PTPRK: variants seen among roughly 807,000 people sequenced by gnomAD.
PTPRK encodes protein tyrosine phosphatase receptor type K.
In PTPRK, 75 loss-of-function variants were observed where a neutral mutation model predicts 178.0. The ratio of observed to expected loss-of-function variants is 0.42; its 90% CI spans 0.35 to 0.51. The LOEUF is 0.51. Ranked by LOEUF, PTPRK falls within the 20% of genes least tolerant of loss-of-function variation. The probability of loss-of-function intolerance (pLI) is 0.02; values close to 1 mark genes in which losing one functional copy is unlikely to be tolerated. For missense variants in PTPRK, 1,441 were observed against 1,797.8 expected (o/e 0.80, Z 3.59); for synonymous variants, 637 against 620.6 (o/e 1.03, Z -0.39).
intron 14 of PTPRK, chr6:128,006,011 C>A: frequency 6.5e-7 from 1 of 1,540,142 alleles, no homozygotes. Flanking sequence ...TGTACATCAC[C>A]CATTTTCTAC....
chr6:128,127,146 T>C (rs943515049), intron 7 of PTPRK, among the ~76,000 whole-genome samples: 1 of 152,214 alleles, frequency 6.6e-6, no homozygotes, highest in Admixed American at 6.5e-5. Flanking sequence ...TTGATCTATA[T>C]GTCTAGTATT....
intron 5 of PTPRK, among the ~76,000 whole-genome samples, chr6:128,237,791 A>G (rs1174651503): frequency 1.3e-5 from 2 of 152,176 alleles, no homozygotes; most frequent in Non-Finnish European, 2.9e-5. Flanking sequence ...GTTAGCTGGT[A>G]GATTCACTTT....
intron 7 of PTPRK, among the ~76,000 whole-genome samples, chr6:128,125,708 C>G (rs551016635): frequency 1.1e-4 from 15 of 142,130 alleles, no homozygotes; most frequent in African/African-American, 4.0e-4. Context: ...CTCCCAGGTT[C>G]AAGCAATTCT....
chr6:128,493,289 G>C (rs560279551), intron 1 of PTPRK, among the ~76,000 whole-genome samples: 1 of 152,084 alleles, frequency 6.6e-6, no homozygotes, highest in Non-Finnish European at 1.5e-5. Flanking sequence ...CTGGCTGGGC[G>C]CGGTGGCTCA....
intron 6 of PTPRK, among the ~76,000 whole-genome samples, chr6:128,197,433 T>C (rs912519875): frequency 3.9e-5 from 6 of 152,100 alleles, no homozygotes; most frequent in African/African-American, 1.4e-4. Context: ...GTATACTAGA[T>C]GTATCATTAC....
intron 7 of PTPRK, among the ~76,000 whole-genome samples, chr6:128,127,127 T>C (rs1336367773): frequency 6.6e-6 from 1 of 152,214 alleles, no homozygotes. Context: ...GGTTTTCTGA[T>C]ATATTTCATT....
chr6:128,412,671 C>A (rs951827228), intron 1 of PTPRK, among the ~76,000 whole-genome samples: 1 of 152,206 alleles, frequency 6.6e-6, no homozygotes, highest in African/African-American at 2.4e-5. Flanking sequence ...AAAGAAGATA[C>A]ATTTTTGTAC....
chr6:128,331,596 C>A (rs1387810966), intron 2 of PTPRK, among the ~76,000 whole-genome samples: 1 of 152,090 alleles, frequency 6.6e-6, no homozygotes, highest in Non-Finnish European at 1.5e-5. Context: ...ACTTTTTGTA[C>A]AGTCTAGTTT....
intron 3 of PTPRK, among the ~76,000 whole-genome samples, chr6:128,320,746 G>A (rs1279620932): frequency 2.6e-5 from 4 of 152,010 alleles, no homozygotes; most frequent in Non-Finnish European, 5.9e-5. Flanking sequence ...TGTCAGAGTT[G>A]AGCCCACTGA....
At chr6:127,975,097 A>G (rs1183273616) in intron 27 of PTPRK, among the ~76,000 whole-genome samples, 27 of 152,190 alleles carry the variant, frequency 1.8e-4, no homozygotes, top group Admixed American at 1.8e-3. Context: ...CAGAAAAAAA[A>G]TCATGTACTA....
intron 5 of PTPRK, among the ~76,000 whole-genome samples, chr6:128,226,282 T>A (rs1451671093): frequency 6.6e-6 from 1 of 152,250 alleles, no homozygotes; most frequent in East Asian, 1.9e-4. Flanking sequence ...GCAAAGGTAT[T>A]CATAGCAAAT....
At chr6:127,985,991 G>T in intron 21 of PTPRK, 116 bp from the exon 22 acceptor site, 2 of 962,866 alleles carry the variant, frequency 2.1e-6, no homozygotes, top group East Asian at 2.7e-5. Flanking sequence ...AAACCTTTAC[G>T]AAAGACTATG....
intron 2 of PTPRK, among the ~76,000 whole-genome samples, chr6:128,378,889 CAAGT>C (rs1435565024): frequency 6.6e-6 from 1 of 151,958 alleles, no homozygotes; most frequent in Non-Finnish European, 1.5e-5. Context: ...ATGCAAAGTT[CAAGT>C]AAGATTGAAA....
chr6:128,233,806 T>C (rs956462649), intron 5 of PTPRK, among the ~76,000 whole-genome samples: 2 of 152,188 alleles, frequency 1.3e-5, no homozygotes, highest in African/African-American at 4.8e-5. Flanking sequence ...AACAGCCTCA[T>C]TTCAATTCAC....
intron 6 of PTPRK, among the ~76,000 whole-genome samples, chr6:128,189,241 T>C (rs1462138470): frequency 2.6e-4 from 35 of 132,378 alleles, no homozygotes; most frequent in South Asian, 5.3e-4. Flanking sequence ...TTTTCTTTTT[T>C]TTTTTTTTTT....
At chr6:128,143,718 T>G (rs1044368211) in intron 7 of PTPRK, among the ~76,000 whole-genome samples, 1 of 152,160 alleles carries the variant, frequency 6.6e-6, no homozygotes, top group Non-Finnish European at 1.5e-5. Flanking sequence ...ACTTCACTCT[T>G]TATCCAGCTT....
At chr6:128,283,829 C>A (rs2128303816) in intron 3 of PTPRK, among the ~76,000 whole-genome samples, 1 of 152,266 alleles carries the variant, frequency 6.6e-6, no homozygotes, top group South Asian at 2.1e-4. Context: ...TTTCTGGTAT[C>A]TATTCTTCAT....
intron 1 of PTPRK, among the ~76,000 whole-genome samples, chr6:128,431,599 T>A (rs1377054266): frequency 6.6e-6 from 1 of 152,318 alleles, no homozygotes; most frequent in East Asian, 1.9e-4. Flanking sequence ...CAAGCCTCAT[T>A]ATGAACTGAA....
intron 16 of PTPRK, among the ~76,000 whole-genome samples, chr6:127,997,228 C>G (rs183281618): frequency 6.6e-6 from 1 of 151,916 alleles, no homozygotes; most frequent in African/African-American, 2.4e-5. Flanking sequence ...AAAAAATGGA[C>G]CTTGAAAGTA....
Sources: gnomAD v4.1 joint callset for allele counts (sites outside exome capture counted in the v4.1 genomes callset) on GRCh38, gnomAD v4.1.1 for gene constraint, MANE v1.5 for transcripts, NCBI Gene and HGNC (gene_info 2026-07-23, HGNC 2026-07-21) for gene names.